The following WDFY2 variants were observed in gnomAD, a reference collection of about 807,000 sequenced individuals.
WDFY2 encodes WD repeat and FYVE domain containing 2.
WDFY2 carries 36 observed loss-of-function variants against 56.4 expected under a neutral mutation model. The observed-to-expected ratio is 0.64, with a 90% confidence interval of 0.49 to 0.84. WDFY2 has a LOEUF of 0.84. WDFY2 is among the 40% of genes least tolerant of loss of function. WDFY2 has a pLI of 0.00. For missense variants in WDFY2, 444 were observed against 512.2 expected (o/e 0.87, Z 1.29); for synonymous variants, 176 against 183.7 (o/e 0.96, Z 0.34).
Position 51,670,489 on chromosome 13 carries a change from G to GCACACA in WDFY2, c.206-4638_206-4633dup, listed in dbSNP as rs55984632. On this transcript the variant is annotated intron_variant, in intron 2 of 11. Coordinates refer to ENST00000298125, the MANE Select transcript of WDFY2 (RefSeq NM_052950.4). ...TACGTCTCACCTACTGTGCGCACAT[G>GCACACA]CACACACACACACACACACACACAC... Among the ~76,000 whole-genome samples the GCACACA allele has an allele frequency of 8.7e-3, 1,143 of 131,474 alleles. 9 individuals carry two copies. Among genetic ancestry groups the GCACACA allele is most frequent in the Admixed American group, 0.015 (188 of 12,920 alleles). The allele number at this position is 131,474 out of a possible 152,430, so 86.3% of individuals were successfully genotyped here. A position where few individuals can be genotyped will look rare whatever the true frequency, so the allele number is the denominator to read the frequency against.
At chr13:51,641,314 C>G (rs1434596282) in intron 1 of WDFY2, among the ~76,000 whole-genome samples, 1 of 151,910 alleles carries the variant, frequency 6.6e-6, no homozygotes, top group Non-Finnish European at 1.5e-5. Context: ...TCGTGATCAC[C>G]CACCTTGGCC....
chr13:51,716,172 G>A (rs1420506606), intron 4 of WDFY2, among the ~76,000 whole-genome samples: 1 of 152,172 alleles, frequency 6.6e-6, no homozygotes, highest in Non-Finnish European at 1.5e-5. Flanking sequence ...AGGAATAGGA[G>A]GGAATTCACA....
chr13:51,622,282 C>A (rs527820836), intron 1 of WDFY2, among the ~76,000 whole-genome samples: 8 of 152,176 alleles, frequency 5.3e-5, no homozygotes, highest in Non-Finnish European at 1.2e-4. Flanking sequence ...TCTCTCCCCC[C>A]CTCCTTTTTT....
At chr13:51,724,176 A>G (rs556534874) in intron 5 of WDFY2, among the ~76,000 whole-genome samples, 11 of 144,388 alleles carry the variant, frequency 7.6e-5, no homozygotes, top group African/African-American at 2.6e-4. Context: ...TGTTCAAATT[A>G]TCCTATTTTT....
At chr13:51,719,838 C>G (rs1219726746) in intron 5 of WDFY2, among the ~76,000 whole-genome samples, 8 of 152,102 alleles carry the variant, frequency 5.3e-5, no homozygotes, top group Non-Finnish European at 7.4e-5. Flanking sequence ...GAGCTGGTAT[C>G]TACATGGTAA....
In WDFY2 at chr13:51,766,266, T is replaced by TACTA. The variant is rs1203703823; in HGVS notation, c.*6501_*6504dup. On this transcript the variant is annotated 3_prime_UTR_variant, in exon 12 of 12. Transcript: ENST00000298125. ...TTTATATGAAATGTACAAAAACCGT[T>TACTA]ACTAACTGGACAACAGGGAAGGTGC... The TACTA allele has an allele frequency of 6.6e-6, 1 of 152,220 alleles. No individual in the cohort carries two copies. Among genetic ancestry groups the TACTA allele is most frequent in the African/African-American group, 2.4e-5 (1 of 41,454 alleles). 9.4% of individuals were successfully genotyped at this position (152,220 alleles called of 1,614,324 possible).
At chr13:51,597,309 A>C (rs1287307326) in intron 1 of WDFY2, among the ~76,000 whole-genome samples, 1 of 152,200 alleles carries the variant, frequency 6.6e-6, no homozygotes, top group African/African-American at 2.4e-5. Context: ...TTTGGCTATA[A>C]TTGAAGTTCT....
rs1952911067 is a variant in WDFY2 at position 51,739,243 on chromosome 13, G to T, written c.725+68G>T. The T allele has an allele frequency of 2.0e-6, 3 of 1,468,692 alleles. No homozygotes were observed. In the East Asian group the frequency reaches 7.4e-5, roughly 36 times the overall value. 91.0% of individuals were successfully genotyped at this position (1,468,692 alleles called of 1,614,324 possible). On this transcript the variant is annotated intron_variant, in intron 7 of 11. Coordinates refer to ENST00000298125, the MANE Select transcript of WDFY2 (RefSeq NM_052950.4). Reference sequence around the variant, plus strand: ...CTCAGCTGACAGCTAGAACAAAGGAGTGCAGCCCAGTCTGTGGCAGGATCT... The same window carrying T: ...CTCAGCTGACAGCTAGAACAAAGGATTGCAGCCCAGTCTGTGGCAGGATCT...
intron 7 of WDFY2, among the ~76,000 whole-genome samples, chr13:51,751,051 T>G (rs1393542804): frequency 1.3e-5 from 2 of 152,092 alleles, no homozygotes; most frequent in East Asian, 3.9e-4. Flanking sequence ...CAATCAGCTT[T>G]TTTCCTTAAA....
intron 3 of WDFY2, among the ~76,000 whole-genome samples, chr13:51,696,766 A>G (rs997432731): frequency 6.6e-6 from 1 of 152,270 alleles, no homozygotes; most frequent in Non-Finnish European, 1.5e-5. Flanking sequence ...GGACATTTAT[A>G]AACAATCTAT....
rs867529020 is a variant in WDFY2 at position 51,762,779 on chromosome 13, C to T, written c.*3010C>T. ...TTACTTAAACATATAGCAGCTTTTACAAATAATGCCTAACATGCCTGCGCT... is the reference window on the plus strand; with the variant it reads ...TTACTTAAACATATAGCAGCTTTTATAAATAATGCCTAACATGCCTGCGCT... On this transcript the variant is annotated 3_prime_UTR_variant, in exon 12 of 12. Coordinates refer to ENST00000298125, the MANE Select transcript of WDFY2 (RefSeq NM_052950.4). 2.0e-5 allele frequency: 3 copies of T among 152,220 alleles called. No individual in the cohort carries two copies. Among genetic ancestry groups the T allele is most frequent in the African/African-American group, 7.2e-5 (3 of 41,460 alleles). The allele number at this position is 152,220 out of a possible 1,614,324, so 9.4% of individuals were successfully genotyped here.
At chr13:51,620,798 C>T (rs1954710833) in intron 1 of WDFY2, among the ~76,000 whole-genome samples, 1 of 152,136 alleles carries the variant, frequency 6.6e-6, no homozygotes. Context: ...GGAAGTGTGG[C>T]AGAACCCCTT....
chr13:51,593,253 A>G (rs768638950), intron 1 of WDFY2, among the ~76,000 whole-genome samples: 6 of 152,174 alleles, frequency 3.9e-5, no homozygotes, highest in Non-Finnish European at 7.3e-5. Flanking sequence ...CTGATCTCCC[A>G]TCATGAACAA....
intron 2 of WDFY2, among the ~76,000 whole-genome samples, chr13:51,674,827 G>T (rs890660138): frequency 3.3e-5 from 5 of 152,116 alleles, no homozygotes; most frequent in Non-Finnish European, 5.9e-5. Flanking sequence ...AATTGGAGTG[G>T]TACAGAGAGA....
intron 1 of WDFY2, among the ~76,000 whole-genome samples, chr13:51,632,133 A>C (rs1051079122): frequency 6.6e-6 from 1 of 151,986 alleles, no homozygotes; most frequent in Non-Finnish European, 1.5e-5. Context: ...TTGTCTTTTA[A>C]CACTTAGTAT....
chr13:51,645,112 C>T (rs1185170624), intron 1 of WDFY2, among the ~76,000 whole-genome samples: 1 of 152,004 alleles, frequency 6.6e-6, no homozygotes, highest in Non-Finnish European at 1.5e-5. Context: ...ATCTCTGCAA[C>T]ATTTTCTGCG....
Position 51,662,460 on chromosome 13 carries a change from G to A in WDFY2, c.205+1797G>A, listed in dbSNP as rs561517635. Reference sequence around the variant, plus strand: ...ACCTGGGCAAAATGATGGGGATTTGGGGATGGCAAGCGAGGAATCTTATTG... The same window carrying A: ...ACCTGGGCAAAATGATGGGGATTTGAGGATGGCAAGCGAGGAATCTTATTG... On this transcript the variant is annotated intron_variant, in intron 2 of 11. Transcript: ENST00000298125. Among the ~76,000 whole-genome samples, 169 of 152,224 alleles carry A rather than the reference G, an allele frequency of 1.1e-3. 1 individual carries two copies. Among genetic ancestry groups the A allele is most frequent in the Non-Finnish European group, 2.1e-3 (145 of 68,000 alleles).
At chr13:51,587,255 G>A (rs1360517116) in intron 1 of WDFY2, 1 of 152,144 alleles carries the variant, frequency 6.6e-6, no homozygotes, top group African/African-American at 2.4e-5. Context: ...TTTAAACGGT[G>A]TTATACAGTA....
chr13:51,752,446 G>GGTGATTAT (rs1490340583), intron 8 of WDFY2, among the ~76,000 whole-genome samples: 5 of 152,218 alleles, frequency 3.3e-5, no homozygotes, highest in African/African-American at 1.2e-4. Flanking sequence ...CCGCATGGCT[G>GGTGATTAT]GTGATTATGT....
Sources: gnomAD v4.1 joint callset for allele counts (sites outside exome capture counted in the v4.1 genomes callset) on GRCh38, gnomAD v4.1.1 for gene constraint, MANE v1.5 for transcripts, NCBI Gene and HGNC (gene_info 2026-07-23, HGNC 2026-07-21) for gene names.